Variants in AJM1 observed in about 807,000 individuals in gnomAD.
AJM1 encodes the protein apical junction component 1 homolog, also known as uncharacterized protein C9orf172.
In AJM1, 22 loss-of-function variants were observed where a neutral mutation model predicts 43.0. That is an observed-to-expected ratio of 0.51 (90% CI 0.37 to 0.73). The LOEUF (loss-of-function observed/expected upper bound fraction) is 0.73, where lower values mean the gene tolerates loss of function less well. AJM1 is among the 30% of genes least tolerant of loss of function. The pLI, the probability that AJM1 is intolerant of heterozygous loss-of-function variation, is 0.00. For synonymous variants in AJM1, 719 were observed against 638.3 expected, an observed-to-expected ratio of 1.13 and a Z score of -1.91; for missense variants, 1,305 against 1,343.3, an observed-to-expected ratio of 0.97 and a Z score of 0.45.
Position 136,847,236 on chromosome 9 carries a change from C to T in AJM1, c.2822C>T (p.Pro941Leu). The T allele has an allele frequency of 6.2e-7, 1 of 1,604,966 alleles. No individual in the cohort carries two copies. The highest frequency in any genetic ancestry group is 8.5e-7 in the Non-Finnish European group (1 of 1,178,528). Residue 941 changes from proline to leucine, a missense_variant, in exon 3 of 3, where the codon CCC (proline) becomes CTC (leucine). Transcript: ENST00000436881. The stretch of plus-strand genomic sequence containing the variant: ...CGCTTCACGCCCACCACCATCTACC[C>T]CACGGACCGGCGCACCGGCCGCCCC... ...NRRFTPTTIY[P>L]TDRRTGRPFM... is the part of the protein sequence containing the mutation.
rs755524596 is a variant in AJM1, at chr9:136,845,683, G to A, written c.1269G>A (p.Leu423=). 17 of 1,575,216 alleles carry A rather than the reference G, an allele frequency of 1.1e-5. No homozygotes were observed. The South Asian group carries it at 1.8e-4, about 17-fold the overall frequency. The change falls in exon 3 of 3, where the codon TTG becomes TTA. Residue 423 remains leucine, a synonymous_variant. Coordinates refer to ENST00000436881, the MANE Select transcript of AJM1 (RefSeq NM_001080482.5). ...QVVPPSDPDP[L]LASWHGGTGT... is the part of the protein sequence containing the mutation. ...TGCCGCCCTCTGACCCCGACCCGTTGCTCGCCTCCTGGCACGGCGGCACCG... is the reference window on the plus strand; with the variant it reads ...TGCCGCCCTCTGACCCCGACCCGTTACTCGCCTCCTGGCACGGCGGCACCG...
rs1848748691 is a variant in AJM1 at position 136,845,008 on chromosome 9, G to A, written c.594G>A (p.Gln198=). The stretch of plus-strand genomic sequence containing the variant: ...TCAAGCCAGACGACGCAGTGCTCCA[G>A]CACGCCACCCGGGGCTCGCGGTCCT... ...LDIKPDDAVL[Q]HATRGSRSCG... is the part of the protein sequence containing the mutation. Residue 198 remains glutamine, a synonymous_variant, in exon 3 of 3, where the codon CAG becomes CAA. Coordinates refer to ENST00000436881, the MANE Select transcript of AJM1 (RefSeq NM_001080482.5). 1.5e-6 allele frequency: 1 copy of A among 667,690 alleles called. No homozygotes were observed. Among genetic ancestry groups the A allele is most frequent in the Non-Finnish European group, 2.6e-6 (1 of 389,938 alleles). 41.4% of individuals were successfully genotyped at this position (667,690 alleles called of 1,614,324 possible). A position where few individuals can be genotyped will look rare whatever the true frequency, so the allele number is the denominator to read the frequency against.
In AJM1 at chr9:136,846,757, G is replaced by C; in HGVS notation, c.2343G>C (p.Ser781=). The change falls in exon 3 of 3, where the codon TCG becomes TCC. Residue 781 remains serine, a synonymous_variant. Coordinates refer to ENST00000436881, the MANE Select transcript of AJM1 (RefSeq NM_001080482.5). ...EGLLLSPTYL[S]LRELATHAAP... is the part of the protein sequence containing the mutation. ...TGCTGCTATCCCCCACCTACCTATC[G>C]CTGCGTGAGCTGGCCACACACGCGG... 6.3e-7 allele frequency: 1 copy of C among 1,598,582 alleles called. No homozygotes were observed. The highest frequency in any genetic ancestry group is 2.2e-5 in the East Asian group (1 of 44,596).
In AJM1 at chr9:136,847,162, G is replaced by C. The variant is rs1179213751; in HGVS notation, c.2748G>C (p.Glu916Asp). 2 of 1,601,752 alleles carry C rather than the reference G, an allele frequency of 1.2e-6. No homozygotes were observed. The highest frequency in any genetic ancestry group is 3.3e-5 in the Admixed American group (2 of 59,908). Reference sequence around the variant, plus strand: ...TGCGCGGCGTCTTCCTGCGCCACGAGTTCCCGCGCGTCTACGAGCAGCTTT... The same window carrying C: ...TGCGCGGCGTCTTCCTGCGCCACGACTTCCCGCGCGTCTACGAGCAGCTTT... ...LRLRGVFLRH[E>D]FPRVYEQLCE... is the part of the protein sequence containing the mutation. The change falls in exon 3 of 3, where the codon GAG (glutamate) becomes GAC (aspartate). Residue 916 changes from glutamate (E) to aspartate (D), a missense_variant. Coordinates refer to ENST00000436881, the MANE Select transcript of AJM1 (RefSeq NM_001080482.5).
chr9:136,845,153 G>A lies in AJM1; in HGVS notation c.739G>A (p.Ala247Thr). The A allele has an allele frequency of 6.3e-7, 1 of 1,583,006 alleles. No individual in the cohort carries two copies. The highest frequency in any genetic ancestry group is 8.5e-7 in the Non-Finnish European group (1 of 1,170,808). ...CCCGACGCCCAGCGACTCATACTGT[G>A]CGGATCCCCGGGCGTTCTACTGCGA... ...RTPTPSDSYC[A>T]DPRAFYCDGP... Residue 247 changes from alanine to threonine, a missense_variant, in exon 3 of 3, where the codon GCG becomes ACG. Around this residue, in one of 6 missense-constraint regions of AJM1, gnomAD observed 653 missense variants for 549.1 expected, o/e 1.19. Transcript: ENST00000436881.
chr9:136,846,216 C>T lies in AJM1; in HGVS notation c.1802C>T (p.Pro601Leu), dbSNP rs1848772600. 2 of 1,489,636 alleles carry T rather than the reference C, an allele frequency of 1.3e-6. No individual in the cohort carries two copies. The highest frequency in any genetic ancestry group is 2.3e-5 in the Admixed American group (1 of 44,244). 92.3% of individuals were successfully genotyped at this position (1,489,636 alleles called of 1,614,324 possible). Residue 601 changes from proline (P) to leucine (L), a missense_variant, in exon 3 of 3, where the codon CCC becomes CTC. Around this residue, in one of 6 missense-constraint regions of AJM1, gnomAD observed 391 missense variants for 507.5 expected, o/e 0.77. Coordinates refer to ENST00000436881, the MANE Select transcript of AJM1 (RefSeq NM_001080482.5). The part of the protein sequence containing the change: ...SRPTAGQASE[P>L]AADCLGPQLR... ...CCCACCGCCGGCCAGGCCTCAGAGCCCGCGGCCGACTGCCTGGGCCCCCAA... is the reference window on the plus strand; with the variant it reads ...CCCACCGCCGGCCAGGCCTCAGAGCTCGCGGCCGACTGCCTGGGCCCCCAA...
At chr9:136,843,668 C>A (rs1848731738) in intron 1 of AJM1, among the ~76,000 whole-genome samples, 1 of 152,210 alleles carries the variant, frequency 6.6e-6, no homozygotes, top group Non-Finnish European at 1.5e-5. Flanking sequence ...TCTCTGGGGG[C>A]ATTTTTCTGG....
intron 1 of AJM1, among the ~76,000 whole-genome samples, chr9:136,843,255 C>T (rs1234061272): frequency 6.6e-6 from 1 of 152,240 alleles, no homozygotes; most frequent in East Asian, 1.9e-4. Flanking sequence ...GAGGCCAGGC[C>T]TGTGGCCACT....
Position 136,845,346 on chromosome 9 carries a change from C to T in AJM1, c.932C>T (p.Pro311Leu), listed in dbSNP as rs759065608. 3.1e-5 allele frequency: 50 copies of T among 1,612,316 alleles called. No individual in the cohort carries two copies. The highest frequency in any genetic ancestry group is 2.7e-4 in the Admixed American group (16 of 60,010). The change falls in exon 3 of 3, where the codon CCG becomes CTG. Residue 311 changes from proline (P) to leucine (L), a missense_variant. Pro to Leu is a moderately conservative substitution (Grantham distance 98). Transcript: ENST00000436881. Reference sequence around the variant, plus strand: ...GACGCCTACTACCCCAGGCCCTATCCGTCCGAGGAGCTCTCGGGGCCCAGT... The same window carrying T: ...GACGCCTACTACCCCAGGCCCTATCTGTCCGAGGAGCTCTCGGGGCCCAGT... ...TFDAYYPRPY[P>L]SEELSGPSPR...
In AJM1 at chr9:136,847,159, C is replaced by G. The variant is rs1848788975; in HGVS notation, c.2745C>G (p.His915Gln). 1 of 1,601,042 alleles carries G rather than the reference C, an allele frequency of 6.2e-7. No individual in the cohort carries two copies. The highest frequency in any genetic ancestry group is 8.5e-7 in the Non-Finnish European group (1 of 1,178,492). ...ELRLRGVFLR[H>Q]EFPRVYEQLC... ...GGCTGCGCGGCGTCTTCCTGCGCCA[C>G]GAGTTCCCGCGCGTCTACGAGCAGC... The change falls in exon 3 of 3, where the codon CAC (histidine) becomes CAG (glutamine). Residue 915 changes from histidine (H) to glutamine (Q), a missense_variant. Physicochemically the swap from His to Gln is conservative, Grantham distance 24. This residue lies in a region of AJM1 where 116 missense variants were observed against 113.4 expected (regional missense o/e 1.02). Transcript: ENST00000436881.
Position 136,845,731 on chromosome 9 carries a change from C to A in AJM1, c.1317C>A (p.Ala439=). 6.4e-7 allele frequency: 1 copy of A among 1,559,408 alleles called. No homozygotes were observed. The highest frequency in any genetic ancestry group is 8.6e-7 in the Non-Finnish European group (1 of 1,161,480). ...CCGGCACCAGTCCGCCCCGGCTGGC[C>A]ACCGACAGCCGCCACTACTCGCGCT... ...GGTGTSPPRL[A]TDSRHYSRSW... The change falls in exon 3 of 3, where the codon GCC becomes GCA. Residue 439 remains alanine, a synonymous_variant. Transcript: ENST00000436881.
intron 1 of AJM1, among the ~76,000 whole-genome samples, chr9:136,843,794 C>A (rs1848732545): frequency 6.6e-6 from 1 of 152,160 alleles, no homozygotes; most frequent in Admixed American, 6.5e-5. Flanking sequence ...CCACTTGGTG[C>A]AGAGCCGGCT....
At chr9:136,843,918 A>G (rs1433601664) in intron 1 of AJM1, among the ~76,000 whole-genome samples, 4 of 152,160 alleles carry the variant, frequency 2.6e-5, no homozygotes, top group Non-Finnish European at 5.9e-5. Flanking sequence ...ACACCTATAA[A>G]TAAGGCCCAA....
chr9:136,847,228 C>T lies in AJM1; in HGVS notation c.2814C>T (p.Thr938=). Residue 938 remains threonine, a synonymous_variant, in exon 3 of 3, where the codon ACC becomes ACT. Coordinates refer to ENST00000436881, the MANE Select transcript of AJM1 (RefSeq NM_001080482.5). Reference sequence around the variant, plus strand: ...CCAACAGGCGCTTCACGCCCACCACCATCTACCCCACGGACCGGCGCACCG... The same window carrying T: ...CCAACAGGCGCTTCACGCCCACCACTATCTACCCCACGGACCGGCGCACCG... ...VEANRRFTPT[T]IYPTDRRTGR... is the part of the protein sequence containing the mutation. 2 of 1,605,756 alleles carry T rather than the reference C, an allele frequency of 1.2e-6. No homozygotes were observed. Among genetic ancestry groups the T allele is most frequent in the Non-Finnish European group, 1.7e-6 (2 of 1,178,778 alleles).
At position 136,846,770 on chromosome 9, in the gene AJM1, G is replaced by C. The variant is rs1326243462; in HGVS notation, c.2356G>C (p.Ala786Pro). 14 of 1,596,662 alleles carry C rather than the reference G, an allele frequency of 8.8e-6. No individual in the cohort carries two copies. In the Admixed American group the frequency reaches 2.4e-4, roughly 27 times the overall value. Residue 786 changes from alanine to proline, a missense_variant, in exon 3 of 3, where the codon GCC becomes CCC. Transcript: ENST00000436881. Reference sequence around the variant, plus strand: ...CACCTACCTATCGCTGCGTGAGCTGGCCACACACGCGGCGCCCCTGGGCAG... The same window carrying C: ...CACCTACCTATCGCTGCGTGAGCTGCCCACACACGCGGCGCCCCTGGGCAG... The part of the protein sequence containing the change: ...SPTYLSLREL[A>P]THAAPLGSYA...
chr9:136,846,296 C>T lies in AJM1; in HGVS notation c.1882C>T (p.Pro628Ser). 8.5e-7 allele frequency: 1 copy of T among 1,173,302 alleles called. No individual in the cohort carries two copies. Among genetic ancestry groups the T allele is most frequent in the Non-Finnish European group, 1.1e-6 (1 of 936,244 alleles). 72.7% of individuals were successfully genotyped at this position (1,173,302 alleles called of 1,614,324 possible). The change falls in exon 3 of 3, where the codon CCG becomes TCG. Residue 628 changes from proline (P) to serine (S), a missense_variant. Physicochemically the swap from Pro to Ser is moderately conservative, Grantham distance 74 (BLOSUM62 -1). Transcript: ENST00000436881. ...PAGSGAPALA[P>S]PRSPPASAGS... Reference sequence around the variant, plus strand: ...GGGCTCCGGGGCCCCCGCGCTGGCGCCGCCACGCTCGCCCCCCGCCTCGGC... The same window carrying T: ...GGGCTCCGGGGCCCCCGCGCTGGCGTCGCCACGCTCGCCCCCCGCCTCGGC...
At position 136,845,287 on chromosome 9, in the gene AJM1, G is replaced by A. The variant is rs764899714; in HGVS notation, c.873G>A (p.Arg291=). 6 of 1,610,290 alleles carry A rather than the reference G, an allele frequency of 3.7e-6. No individual in the cohort carries two copies. Among genetic ancestry groups the A allele is most frequent in the Non-Finnish European group, 4.2e-6 (5 of 1,179,714 alleles). The change falls in exon 3 of 3, where the codon CGG becomes CGA. Residue 291 remains arginine, a synonymous_variant. Transcript: ENST00000436881. ...ATACAGAGGAGCCCCAAGGCTTCCG[G>A]GGCAGCTTTGCAGCCAGTCCCGGCC... ...FFYTEEPQGF[R]GSFAASPGPT... is the part of the protein sequence containing the mutation.
chr9:136,843,520 C>CT (rs945797548), intron 1 of AJM1, among the ~76,000 whole-genome samples: 24 of 152,384 alleles, frequency 1.6e-4, no homozygotes, highest in Non-Finnish European at 3.2e-4. Context: ...GGCTCGATGG[C>CT]TTGGGACTGC....
At chr9:136,842,990 G>C (rs940941988) in intron 1 of AJM1, among the ~76,000 whole-genome samples, 1 of 149,820 alleles carries the variant, frequency 6.7e-6, no homozygotes, top group African/African-American at 2.5e-5. Flanking sequence ...TGCCACGGGT[G>C]GGGTGGAGGG....
Sources: gnomAD v4.1 joint callset for allele counts (sites outside exome capture counted in the v4.1 genomes callset) on GRCh38, gnomAD v4.1.1 for gene constraint, gnomAD v4.1.1 regional missense constraint, MANE v1.5 for transcripts, NCBI Gene and HGNC (gene_info 2026-07-23, HGNC 2026-07-21) for gene names.